TMPO: variants seen among roughly 807,000 people sequenced by gnomAD.
TMPO encodes thymopoietin.
A neutral mutation model predicts 45.4 loss-of-function variants in TMPO; 22 were observed. The observed-to-expected ratio is 0.48, with a 90% CI of 0.35 to 0.69. The LOEUF is 0.69. TMPO is among the 30% of genes least tolerant of loss of function. The pLI is 0.01. For missense variants in TMPO, 512 were observed against 548.8 expected, an observed-to-expected ratio of 0.93 and a Z score of 0.67; for synonymous variants, 241 against 204.1, an observed-to-expected ratio of 1.18 and a Z score of -1.54.
intron 6 of TMPO, chr12:98,544,741 A>T: frequency 1.5e-6 from 1 of 648,062 alleles, no homozygotes; most frequent in South Asian, 2.0e-5. Flanking sequence ...AATTCATTGT[A>T]CAAGAAAGTA....
chr12:98,531,649 A>C, intron 2 of TMPO, 31 bp from the exon 3 acceptor site: 1 of 1,610,122 alleles, frequency 6.2e-7, no homozygotes, highest in East Asian at 2.2e-5. Context: ...GAAACAATAC[A>C]GGTACTAAAG....
At position 98,516,163 on chromosome 12, in the gene TMPO, G is replaced by A. The variant is rs761081417; in HGVS notation, c.279+17G>A. 19 of 1,364,774 alleles carry A rather than the reference G, an allele frequency of 1.4e-5. No individual in the cohort carries two copies. In the South Asian group the frequency reaches 1.8e-4, roughly 13 times the overall value. The allele number at this position is 1,364,774 out of a possible 1,614,324, so 84.5% of individuals were successfully genotyped here. ...GTCGGCAGGGTAAGGACGCGGGGCCGGGGCTACAAAGGCGGGCGTTTGGCG... is the reference window on the plus strand; with the variant it reads ...GTCGGCAGGGTAAGGACGCGGGGCCAGGGCTACAAAGGCGGGCGTTTGGCG... On this transcript the variant is annotated intron_variant, in intron 1 of 8. Coordinates refer to ENST00000556029, the MANE Select transcript of TMPO (RefSeq NM_001032283.3).
At chr12:98,520,921 T>C (rs1339443725) in intron 1 of TMPO, among the ~76,000 whole-genome samples, 1 of 151,568 alleles carries the variant, frequency 6.6e-6, no homozygotes, top group African/African-American at 2.4e-5. Flanking sequence ...CATAATGGAG[T>C]GGTAAAAAGG....
At chr12:98,516,824 T>A (rs1592926029) in intron 1 of TMPO, among the ~76,000 whole-genome samples, 1 of 152,242 alleles carries the variant, frequency 6.6e-6, no homozygotes, top group South Asian at 2.1e-4. Flanking sequence ...TTATTTATTT[T>A]TTTAGATGGA....
chr12:98,518,263 G>C (rs759392748), intron 1 of TMPO, among the ~76,000 whole-genome samples: 2 of 151,928 alleles, frequency 1.3e-5, no homozygotes, highest in Non-Finnish European at 2.9e-5. Context: ...ATTAAACCGT[G>C]AAGTTTTTGG....
intron 3 of TMPO, chr12:98,532,997 C>G: frequency 6.2e-7 from 1 of 1,614,092 alleles, no homozygotes; most frequent in Non-Finnish European, 8.5e-7. Context: ...GTACATACTT[C>G]TAAGGGAGAC....
intron 1 of TMPO, 50 bp downstream of exon 1, chr12:98,516,196 C>T (rs1875790745): frequency 7.6e-7 from 1 of 1,319,664 alleles, no homozygotes; most frequent in Non-Finnish European, 9.6e-7. Flanking sequence ...GCGGTTGCCG[C>T]GCGCGCTCGC....
At chr12:98,544,604 A>T in intron 6 of TMPO, 67 bp downstream of exon 6, 1 of 1,304,686 alleles carries the variant, frequency 7.7e-7, no homozygotes. Context: ...GGAAATGGGG[A>T]GGTGGTGAAT....
At position 98,544,251 on chromosome 12, in the gene TMPO, A is replaced by G; in HGVS notation, c.685A>G (p.Thr229Ala). Reference protein sequence around the residue: ...HNQSYSQAGITETEWTSGSSK... With the variant: ...HNQSYSQAGIAETEWTSGSSK... ...ATAGAGCTATTCTCAAGCTGGAATA[A>G]CTGAGACTGAATGGACAAGTGGATC... The change falls in exon 5 of 9, where the codon ACT becomes GCT. Residue 229 changes from threonine to alanine, a missense_variant. Thr to Ala is a moderately conservative substitution (Grantham distance 58, BLOSUM62 0). This residue lies in a region of TMPO where 299 missense variants were observed against 296.7 expected (regional missense o/e 1.01). Coordinates refer to ENST00000556029, the MANE Select transcript of TMPO (RefSeq NM_001032283.3). 1.2e-6 allele frequency: 2 copies of G among 1,613,970 alleles called. No individual in the cohort carries two copies. Among genetic ancestry groups the G allele is most frequent in the Non-Finnish European group, 1.7e-6 (2 of 1,179,874 alleles).
chr12:98,522,852 G>A (rs1361693405), intron 1 of TMPO, among the ~76,000 whole-genome samples: 2 of 152,162 alleles, frequency 1.3e-5, no homozygotes, highest in African/African-American at 4.8e-5. Context: ...TTAGGACTCT[G>A]TAAGTTAATG....
At chr12:98,527,142 G>A (rs954200078) in intron 1 of TMPO, among the ~76,000 whole-genome samples, 1 of 151,820 alleles carries the variant, frequency 6.6e-6, no homozygotes, top group African/African-American at 2.4e-5. Context: ...ACTTTCCATG[G>A]TTCATGCTGA....
chr12:98,526,922 C>T (rs181709443), intron 1 of TMPO, among the ~76,000 whole-genome samples: 194 of 151,548 alleles, frequency 1.3e-3, no homozygotes, highest in African/African-American at 4.6e-3. Context: ...TGCACCGCTG[C>T]GCTCCAGCCT....
At position 98,515,852 on chromosome 12, in the gene TMPO, T is replaced by C. The variant is rs1875742248; in HGVS notation, c.-16T>C. On this transcript the variant is annotated 5_prime_UTR_variant, in exon 1 of 9. Transcript: ENST00000556029. Reference sequence around the variant, plus strand: ...GCGGCAAAGGCTGTGGGGAGGGGGCTTCGCAGATCCCCGAGATGCCGGAGT... The same window carrying C: ...GCGGCAAAGGCTGTGGGGAGGGGGCCTCGCAGATCCCCGAGATGCCGGAGT... 6.2e-7 allele frequency: 1 copy of C among 1,608,018 alleles called. No individual in the cohort carries two copies. The highest frequency in any genetic ancestry group is 1.7e-5 in the Admixed American group (1 of 59,432).
Position 98,515,744 on chromosome 12 carries a change from C to G in TMPO, c.-124C>G. 1 of 1,535,372 alleles carries G rather than the reference C, an allele frequency of 6.5e-7. No homozygotes were observed. The highest frequency in any genetic ancestry group is 8.8e-7 in the Non-Finnish European group (1 of 1,140,236). On this transcript the variant is annotated 5_prime_UTR_variant, in exon 1 of 9. Transcript: ENST00000556029. ...CGCGAGTTTTTGTTCCGCTCCGCAGCGCTCTTCCCGGGCAGGAGCCGTGAG... is the reference window on the plus strand; with the variant it reads ...CGCGAGTTTTTGTTCCGCTCCGCAGGGCTCTTCCCGGGCAGGAGCCGTGAG...
rs879312599 is a variant in TMPO, at chr12:98,520,306, CTTCT to C, written c.279+4161_279+4164del. ...CCTTCCTTCCTTCCTTCCTTCCTTCCTTCTGTGTGTGTGAGAGATGGAGTCTCAC... is the reference window on the plus strand; with the variant it reads ...CCTTCCTTCCTTCCTTCCTTCCTTCCGTGTGTGTGAGAGATGGAGTCTCAC... On this transcript the variant is annotated intron_variant, in intron 1 of 8. Coordinates refer to ENST00000556029, the MANE Select transcript of TMPO (RefSeq NM_001032283.3). Among the ~76,000 whole-genome samples, 736 of 145,946 alleles carry C rather than the reference CTTCT, an allele frequency of 5.0e-3. 16 individuals are homozygous for C. The highest frequency in any genetic ancestry group is 0.042 in the South Asian group (193 of 4,550).
intron 4 of TMPO, among the ~76,000 whole-genome samples, chr12:98,537,952 A>C (rs1167905118): frequency 6.6e-6 from 1 of 152,138 alleles, no homozygotes; most frequent in Non-Finnish European, 1.5e-5. Context: ...CTTTGATTTT[A>C]TGTTTGCCTG....
chr12:98,515,987 C>G lies in TMPO; in HGVS notation c.120C>G (p.Leu40=). 1.2e-6 allele frequency: 2 copies of G among 1,612,704 alleles called. No individual in the cohort carries two copies. Among genetic ancestry groups the G allele is most frequent in the Non-Finnish European group, 1.7e-6 (2 of 1,179,804 alleles). ...GEQRKDVYVQ[L]YLQHLTARNR... ...AGCGCAAAGACGTGTACGTCCAGCT[C>G]TACCTGCAGCACCTCACGGCTCGCA... The change falls in exon 1 of 9, where the codon CTC becomes CTG. Residue 40 remains leucine (L), a synonymous_variant. Transcript: ENST00000556029.
At chr12:98,528,300 G>T (rs571288750) in intron 2 of TMPO, among the ~76,000 whole-genome samples, 1 of 147,218 alleles carries the variant, frequency 6.8e-6, no homozygotes, top group South Asian at 2.1e-4. Context: ...TTTTTGAGAC[G>T]GAGTCTTGCT....
At chr12:98,526,213 G>A (rs563715572) in intron 1 of TMPO, among the ~76,000 whole-genome samples, 14 of 152,306 alleles carry the variant, frequency 9.2e-5, no homozygotes, top group Admixed American at 2.0e-4. Flanking sequence ...CTGTGTCACA[G>A]GTGATAATTT....
Sources: gnomAD v4.1 joint callset for allele counts (sites outside exome capture counted in the v4.1 genomes callset) on GRCh38, gnomAD v4.1.1 for gene constraint, gnomAD v4.1.1 regional missense constraint, MANE v1.5 for transcripts, NCBI Gene and HGNC (gene_info 2026-07-23, HGNC 2026-07-21) for gene names.